COG6: variants seen among roughly 807,000 people sequenced by gnomAD.
COG6 encodes component of oligomeric golgi complex 6.
A neutral mutation model predicts 88.8 loss-of-function variants in COG6; 74 were observed. That is an observed-to-expected ratio of 0.83 (90% CI 0.69 to 1.01). The LOEUF (loss-of-function observed/expected upper bound fraction) is 1.01, where lower values mean the gene tolerates loss of function less well. Ranked by LOEUF, COG6 falls within the 50% of genes least tolerant of loss-of-function variation. COG6 has a pLI of 0.00. For missense variants in COG6, 800 were observed against 797.9 expected, an observed-to-expected ratio of 1.00 and a Z score of -0.03; for synonymous variants, 286 against 278.7, an observed-to-expected ratio of 1.03 and a Z score of -0.26.
intron 18 of COG6, among the ~76,000 whole-genome samples, chr13:39,783,760 C>A (rs999193652): frequency 1.3e-5 from 2 of 152,184 alleles, no homozygotes; most frequent in Admixed American, 6.5e-5. Flanking sequence ...TCTCAGCACA[C>A]CTGAACATCA....
At chr13:39,763,416 T>C (rs1881082779) in intron 18 of COG6, among the ~76,000 whole-genome samples, 1 of 151,800 alleles carries the variant, frequency 6.6e-6, no homozygotes, top group Admixed American at 6.6e-5. Context: ...CCTTGTCTTT[T>C]TCCAAAATGT....
At position 39,679,506 on chromosome 13, in the gene COG6, A is replaced by G. The variant is rs200482191; in HGVS notation, c.541-32A>G. ...TAAATAATGCAATTTTGCCTGAAGC[A>G]TGGACATAAAGTCACATTCTTAATT... On this transcript the variant is annotated intron_variant, in intron 5 of 18. Transcript: ENST00000455146. 2.1e-4 allele frequency: 254 copies of G among 1,234,496 alleles called. 1 individual carries two copies. The African/African-American group carries it at 3.3e-3, about 16-fold the overall frequency. The allele number at this position is 1,234,496 out of a possible 1,614,324, so 76.5% of individuals were successfully genotyped here. A position where few individuals can be genotyped will look rare whatever the true frequency, so the allele number is the denominator to read the frequency against.
At chr13:39,749,636 T>C (rs552699356) in intron 18 of COG6, among the ~76,000 whole-genome samples, 64 of 152,252 alleles carry the variant, frequency 4.2e-4, no homozygotes, top group Middle Eastern at 6.8e-3. Flanking sequence ...CAAGACTTCA[T>C]GGATAAGAGA....
chr13:39,741,826 A>G (rs1290682392), intron 18 of COG6, among the ~76,000 whole-genome samples: 1 of 152,172 alleles, frequency 6.6e-6, no homozygotes, highest in Non-Finnish European at 1.5e-5. Context: ...ATTGAAATGA[A>G]GGAAAAAATG....
chr13:39,762,392 AG>A (rs1193203925), intron 18 of COG6, among the ~76,000 whole-genome samples: 1 of 151,920 alleles, frequency 6.6e-6, no homozygotes, highest in Non-Finnish European at 1.5e-5. Flanking sequence ...GGATAGTCAG[AG>A]GTTGGTTAAT....
intron 13 of COG6, among the ~76,000 whole-genome samples, chr13:39,705,602 C>T (rs980996177): frequency 2.0e-5 from 3 of 152,162 alleles, no homozygotes; most frequent in South Asian, 4.1e-4. Flanking sequence ...TTAAATGAAA[C>T]CCATATCAAG....
At chr13:39,790,560 A>C (rs750862404) in exon 19 of COG6, 1 of 152,100 alleles carries the variant, frequency 6.6e-6, no homozygotes, top group Non-Finnish European at 1.5e-5. Context: ...TCTATTTTAT[A>C]AATTTCTATT....
At chr13:39,778,216 A>G (rs753415932) in intron 18 of COG6, among the ~76,000 whole-genome samples, 2 of 152,202 alleles carry the variant, frequency 1.3e-5, no homozygotes, top group Non-Finnish European at 2.9e-5. Context: ...TATTCTCAGG[A>G]CAGGAAGGAC....
chr13:39,788,860 A>G (rs1881854610), exon 19 of COG6: 1 of 155,126 alleles, frequency 6.4e-6, no homozygotes, highest in Non-Finnish European at 1.4e-5. Flanking sequence ...GTGTTTTCAC[A>G]AAAGTTGCTT....
intron 8 of COG6, 82 bp downstream of exon 8, chr13:39,682,346 G>T (rs4346098): frequency 2.6e-6 from 2 of 775,376 alleles, no homozygotes; most frequent in South Asian, 1.5e-5. Flanking sequence ...TATCAAAAGC[G>T]TATATAATAG....
intron 11 of COG6, among the ~76,000 whole-genome samples, 187 bp downstream of exon 11, chr13:39,690,011 T>A (rs1593427927): frequency 6.6e-6 from 1 of 152,054 alleles, no homozygotes; most frequent in East Asian, 1.9e-4. Context: ...AGAAAGAAAA[T>A]TGGAAATATT....
chr13:39,740,593 T>G (rs963919560), intron 18 of COG6, among the ~76,000 whole-genome samples: 1 of 152,206 alleles, frequency 6.6e-6, no homozygotes. Flanking sequence ...TAGCTCTTTC[T>G]GTGTTGAGAT....
chr13:39,777,666 C>T (rs1881504969), intron 18 of COG6, among the ~76,000 whole-genome samples: 1 of 152,158 alleles, frequency 6.6e-6, no homozygotes. Flanking sequence ...ATCGCAGAGT[C>T]AGGTTAGCTC....
chr13:39,744,100 G>C (rs557915561), intron 18 of COG6, among the ~76,000 whole-genome samples: 19 of 151,970 alleles, frequency 1.3e-4, no homozygotes, highest in Non-Finnish European at 2.6e-4. Flanking sequence ...GATGGAATGT[G>C]TCTTAAAATA....
intron 18 of COG6, among the ~76,000 whole-genome samples, chr13:39,737,956 G>A (rs1005388616): frequency 3.3e-5 from 5 of 152,060 alleles, no homozygotes; most frequent in South Asian, 2.1e-4. Flanking sequence ...CCAGTGCTAC[G>A]TCCCACAATC....
chr13:39,784,213 C>T lies in COG6; in HGVS notation c.1827-4122C>T, dbSNP rs118014378. On this transcript the variant is annotated intron_variant, in intron 18 of 18. Coordinates refer to the COG6 transcript ENST00000416691. ...GAACACTTAGAATATACCTATTTGT[C>T]AGAGTACAGCACACCTGACATCACC... Among the ~76,000 whole-genome samples, 231 of 152,308 alleles carry T rather than the reference C, an allele frequency of 1.5e-3. 2 individuals are homozygous for T. The East Asian group carries it at 0.031, about 20-fold the overall frequency.
intron 9 of COG6, 25 bp downstream of exon 9, chr13:39,687,656 G>A (rs927546946): frequency 1.2e-6 from 2 of 1,613,744 alleles, no homozygotes; most frequent in Admixed American, 1.7e-5. Context: ...CAGCAGAAGA[G>A]GAGTTGATGT....
intron 7 of COG6, among the ~76,000 whole-genome samples, chr13:39,681,871 G>C (rs1456222444): frequency 6.6e-6 from 1 of 151,930 alleles, no homozygotes; most frequent in Non-Finnish European, 1.5e-5. Context: ...CAGTTATTAG[G>C]AAATACTTGT....
chr13:39,689,262 G>A (rs977883073), intron 10 of COG6, among the ~76,000 whole-genome samples: 3 of 152,138 alleles, frequency 2.0e-5, no homozygotes, highest in African/African-American at 7.2e-5. Flanking sequence ...AGCAGTAAAT[G>A]TCAAATACCC....
Sources: allele counts gnomAD v4.1 joint callset (sites outside exome capture counted in the v4.1 genomes callset), GRCh38; gene constraint gnomAD v4.1.1; transcripts MANE v1.5; gene names NCBI Gene and HGNC (gene_info 2026-07-23, HGNC 2026-07-21).